Variants in FMN1 observed in about 807,000 individuals in gnomAD.
The protein encoded by FMN1 is formin 1.
Under a neutral mutation model 132.4 loss-of-function variants are expected in FMN1, and 110 were observed. The observed-to-expected ratio is 0.83, with a 90% CI of 0.71 to 0.97. The LOEUF is 0.97. Among genes scored for constraint, FMN1 ranks in the 50% least tolerant of loss-of-function variants. The pLI is 0.00. For synonymous variants in FMN1, 722 were observed against 651.7 expected (o/e 1.11, Z -1.64); for missense variants, 1,792 against 1,705.3 (o/e 1.05, Z -0.90).
At chr15:32,848,984 T>TTTTG (rs1555472076) in intron 17 of FMN1, among the ~76,000 whole-genome samples, 1 of 131,824 alleles carries the variant, frequency 7.6e-6, no homozygotes. Flanking sequence ...TTTGTTTTTT[T>TTTTG]TTTTTTTTTT....
chr15:32,899,940 A>G, intron 14 of FMN1, 39 bp downstream of exon 14: 1 of 1,594,494 alleles, frequency 6.3e-7, no homozygotes, highest in Non-Finnish European at 8.5e-7. Flanking sequence ...GAAAGAAAAT[A>G]ATGGCAGATC....
chr15:33,018,372 T>C (rs1056657110), intron 6 of FMN1, among the ~76,000 whole-genome samples: 13 of 151,954 alleles, frequency 8.6e-5, no homozygotes, highest in Admixed American at 7.9e-4. Context: ...GATTAGAGGG[T>C]TGGGACTTTC....
At chr15:33,089,858 G>A (rs944444560) in intron 4 of FMN1, among the ~76,000 whole-genome samples, 25 of 152,078 alleles carry the variant, frequency 1.6e-4, no homozygotes, top group Admixed American at 1.4e-3. Context: ...AGGATTTTAC[G>A]GTCAAGTAAG....
chr15:32,894,470 C>T lies in FMN1; in HGVS notation c.3714+4364G>A, dbSNP rs138677613. 2.5e-3 allele frequency among the ~76,000 whole-genome samples: 373 copies of T among 147,868 alleles called. 2 individuals carry two copies. The highest frequency in any genetic ancestry group is 9.1e-3 in the African/African-American group (361 of 39,606). The stretch of plus-strand genomic sequence containing the variant: ...CTGCACTGCAGCCTGGGTGACAGAG[C>T]GAGACTCCATCTCAATTAAAAAAAA... On this transcript the variant is annotated intron_variant, in intron 15 of 20. Transcript: ENST00000616417.
intron 9 of FMN1, among the ~76,000 whole-genome samples, chr15:32,932,213 A>G (rs2061138086): frequency 6.6e-6 from 1 of 152,176 alleles, no homozygotes; most frequent in Admixed American, 6.5e-5. Flanking sequence ...AGCCTGGCCA[A>G]CATGGTGAAA....
intron 10 of FMN1, among the ~76,000 whole-genome samples, chr15:32,916,813 A>C (rs144232329): frequency 6.6e-6 from 1 of 152,184 alleles, no homozygotes; most frequent in Non-Finnish European, 1.5e-5. Flanking sequence ...GCCAAAATAA[A>C]ACTTAGCTGC....
intron 9 of FMN1, among the ~76,000 whole-genome samples, chr15:32,940,984 T>C (rs1471649835): frequency 1.3e-5 from 2 of 150,734 alleles, no homozygotes; most frequent in Non-Finnish European, 2.9e-5. Flanking sequence ...GTTAGTTAGC[T>C]TGCCTTAGGT....
intron 6 of FMN1, among the ~76,000 whole-genome samples, chr15:33,051,022 G>A (rs751149906): frequency 3.3e-5 from 5 of 152,198 alleles, no homozygotes; most frequent in Admixed American, 6.5e-5. Context: ...CAGTGTATAC[G>A]TATTCATGAG....
intron 19 of FMN1, among the ~76,000 whole-genome samples, chr15:32,782,576 A>C (rs2056699642): frequency 6.6e-6 from 1 of 152,236 alleles, no homozygotes. Context: ...ACTAAGACTC[A>C]GTGAGGTTAT....
intron 10 of FMN1, among the ~76,000 whole-genome samples, chr15:32,923,125 C>T (rs1011031037): frequency 1.3e-5 from 2 of 152,158 alleles, no homozygotes; most frequent in Admixed American, 1.3e-4. Context: ...GGTGAATATA[C>T]GACCACAGGG....
intron 8 of FMN1, 110 bp from the exon 9 acceptor site, chr15:32,964,367 C>A: frequency 1.3e-6 from 1 of 796,242 alleles, no homozygotes; most frequent in Non-Finnish European, 2.0e-6. Flanking sequence ...TAAAAAAACA[C>A]ATAAAACTCT....
chr15:33,141,679 T>C (rs147302430), intron 4 of FMN1, among the ~76,000 whole-genome samples: 1 of 152,308 alleles, frequency 6.6e-6, no homozygotes, highest in Non-Finnish European at 1.5e-5. Flanking sequence ...TTCCGTACTC[T>C]CACACACAGA....
chr15:32,801,856 T>C (rs1294147115), intron 18 of FMN1, among the ~76,000 whole-genome samples: 1 of 152,184 alleles, frequency 6.6e-6, no homozygotes, highest in Non-Finnish European at 1.5e-5. Flanking sequence ...ATTCCACTGT[T>C]TAAGAAAATG....
chr15:32,910,631 G>A lies in FMN1; in HGVS notation c.3227-96C>T, dbSNP rs79093092. ...ATCCAGCTTCCAAGCAATTAACAGA[G>A]TATTGCGTTTTCTTACACAAGCTGT... is the stretch of plus-strand genomic sequence containing the variant. On this transcript the variant is annotated intron_variant, in intron 10 of 20. Coordinates refer to ENST00000616417, the MANE Select transcript of FMN1 (RefSeq NM_001277313.2). 1.6e-5 allele frequency: 15 copies of A among 922,952 alleles called. No homozygotes were observed. In the East Asian group the frequency reaches 2.9e-4, roughly 18 times the overall value. 57.2% of individuals were successfully genotyped at this position (922,952 alleles called of 1,614,324 possible).
intron 3 of FMN1, among the ~76,000 whole-genome samples, chr15:33,160,129 T>C (rs1311393823): frequency 6.6e-6 from 1 of 152,106 alleles, no homozygotes; most frequent in Non-Finnish European, 1.5e-5. Context: ...ATACCTGAAT[T>C]AACCCCAGCC....
chr15:32,953,426 T>G (rs919580524), intron 9 of FMN1, among the ~76,000 whole-genome samples: 14 of 152,342 alleles, frequency 9.2e-5, no homozygotes, highest in African/African-American at 3.4e-4. Flanking sequence ...GGCAGATTTT[T>G]GAATTTCCAA....
At chr15:32,941,564 C>T (rs2061401323) in intron 9 of FMN1, among the ~76,000 whole-genome samples, 1 of 152,184 alleles carries the variant, frequency 6.6e-6, no homozygotes, top group Non-Finnish European at 1.5e-5. Context: ...GTTCATTCCA[C>T]TCCTAGTCTA....
chr15:32,975,115 C>G (rs748887384), intron 7 of FMN1, among the ~76,000 whole-genome samples: 4 of 152,122 alleles, frequency 2.6e-5, no homozygotes, highest in Non-Finnish European at 4.4e-5. Context: ...GGTGAAAGCC[C>G]TGAAAAAAAT....
intron 9 of FMN1, among the ~76,000 whole-genome samples, chr15:32,960,995 C>CAAAAAAAAAAA (rs539245532): frequency 6.8e-5 from 4 of 59,092 alleles, no homozygotes; most frequent in South Asian, 1.0e-3. Context: ...GACTCCGTCT[C>CAAAAAAAAAAA]AAAAAAAAAA....
Sources: allele counts gnomAD v4.1 joint callset (sites outside exome capture counted in the v4.1 genomes callset), GRCh38; gene constraint gnomAD v4.1.1; transcripts MANE v1.5; gene names NCBI Gene and HGNC (gene_info 2026-07-23, HGNC 2026-07-21).